The following COPA variants were observed in gnomAD, a reference collection of about 807,000 sequenced individuals.
The protein encoded by COPA is coat protein complex I subunit alpha, also known as coatomer subunit alpha.
COPA carries 10 observed loss-of-function variants against 158.7 expected under a neutral mutation model. The observed-to-expected ratio is 0.06, with a 90% CI of 0.04 to 0.11. The LOEUF (loss-of-function observed/expected upper bound fraction) is 0.11, where lower values mean the gene tolerates loss of function less well. COPA is among the 10% of genes least tolerant of loss of function. The pLI is 1.00. For synonymous variants in COPA, 462 were observed against 542.8 expected, an observed-to-expected ratio of 0.85 and a Z score of 2.07; for missense variants, 1,065 against 1,536.7, an observed-to-expected ratio of 0.69 and a Z score of 5.13.
In COPA at chr1:160,325,657, G is replaced by A; in HGVS notation, c.497-5C>T. 6.2e-7 allele frequency: 1 copy of A among 1,605,700 alleles called. No homozygotes were observed. Among genetic ancestry groups the A allele is most frequent in the Non-Finnish European group, 8.5e-7 (1 of 1,172,386 alleles). On this transcript the variant is annotated splice_polypyrimidine_tract_variant and splice_region_variant and intron_variant, in intron 6 of 32. Coordinates refer to ENST00000241704, the MANE Select transcript of COPA (RefSeq NM_004371.4). Reference sequence around the variant, plus strand: ...ACAGGTTTTTTTTCCTCAGACCTTTGAAGGGATAAGGAGTGGGATGAAAGA... The same window carrying A: ...ACAGGTTTTTTTTCCTCAGACCTTTAAAGGGATAAGGAGTGGGATGAAAGA...
At chr1:160,294,679 A>G in intron 24 of COPA, 86 bp from the exon 25 acceptor site, 1 of 1,593,634 alleles carries the variant, frequency 6.3e-7, no homozygotes, top group Non-Finnish European at 8.6e-7. Context: ...AGTTCGTTTC[A>G]TGGCCTGGAA....
At position 160,298,205 on chromosome 1, in the gene COPA, A is replaced by G. The variant is rs1156821569; in HGVS notation, c.1978-460T>C. ...TCAAAAAAAAGAAAAAAAAAAAAAG[A>G]AAATCCAGTGAACACATAGGACCCC... On this transcript the variant is annotated intron_variant, in intron 19 of 32. Transcript: ENST00000241704. 2.0e-5 allele frequency among the ~76,000 whole-genome samples: 3 copies of G among 152,106 alleles called. No individual in the cohort carries two copies. In the East Asian group the frequency reaches 5.8e-4, roughly 29 times the overall value.
At chr1:160,302,544 A>C (rs766110027) in intron 17 of COPA, among the ~76,000 whole-genome samples, 1 of 145,706 alleles carries the variant, frequency 6.9e-6, no homozygotes, top group Non-Finnish European at 1.5e-5. Context: ...GAATTTCACA[A>C]GTTACTTTTT....
At chr1:160,290,451 C>A (rs372293699) in intron 32 of COPA, 41 bp downstream of exon 32, 13 of 1,580,234 alleles carry the variant, frequency 8.2e-6, no homozygotes, top group Non-Finnish European at 9.5e-6. Context: ...TTTTCCCCTT[C>A]GCTCAATATC....
At chr1:160,315,931 A>G (rs1212537563) in intron 8 of COPA, among the ~76,000 whole-genome samples, 1 of 152,264 alleles carries the variant, frequency 6.6e-6, no homozygotes, top group Admixed American at 6.5e-5. Context: ...GATTGAAACA[A>G]TGAAAACAAA....
chr1:160,334,493 A>T (rs969447498), intron 4 of COPA, among the ~76,000 whole-genome samples: 5 of 152,152 alleles, frequency 3.3e-5, no homozygotes, highest in African/African-American at 1.2e-4. Context: ...ATCATTCTCA[A>T]ATGTTTAAGC....
chr1:160,299,196 T>C lies in COPA; in HGVS notation c.1736A>G (p.Tyr579Cys), dbSNP rs774090398. 12 of 1,614,196 alleles carry C rather than the reference T, an allele frequency of 7.4e-6. No individual in the cohort carries two copies. In the South Asian group the frequency reaches 1.3e-4, roughly 18 times the overall value. ...YVTRVKGNNV[Y>C]CLDRECRPRV... ...GGGACGACACTCCCTGTCTAGGCAG[T>C]ATACATTGTTGCCCTTCACCCGTGT... Residue 579 changes from tyrosine to cysteine, a missense_variant, in exon 18 of 33, where the codon TAC (tyrosine) becomes TGC (cysteine). Physicochemically the swap from Tyr to Cys is radical, Grantham distance 194. This residue lies in a region of COPA where 980 missense variants were observed against 1,357.8 expected (regional missense o/e 0.72). Transcript: ENST00000241704.
intron 6 of COPA, among the ~76,000 whole-genome samples, chr1:160,331,373 C>G (rs931003873): frequency 1.3e-5 from 2 of 152,118 alleles, no homozygotes; most frequent in African/African-American, 4.8e-5. Flanking sequence ...GTATTCTGGG[C>G]TAGGCACAGG....
intron 19 of COPA, among the ~76,000 whole-genome samples, chr1:160,298,187 A>G (rs1386005483): frequency 2.0e-5 from 3 of 152,080 alleles, no homozygotes; most frequent in Non-Finnish European, 4.4e-5. Context: ...GCCTCAAAAA[A>G]AAGAAAAAAA....
intron 11 of COPA, among the ~76,000 whole-genome samples, chr1:160,311,179 G>A (rs1435680504): frequency 2.0e-5 from 3 of 151,966 alleles, no homozygotes; most frequent in East Asian, 3.9e-4. Context: ...GGTGGCTCAC[G>A]CCTGCAATCC....
rs1658515221 is a variant in COPA at position 160,299,209 on chromosome 1, C to A, written c.1723G>T (p.Gly575Cys). 2 of 1,614,118 alleles carry A rather than the reference C, an allele frequency of 1.2e-6. No individual in the cohort carries two copies. ...DLPIYVTRVK[G>C]NNVYCLDREC... The stretch of plus-strand genomic sequence containing the variant: ...CTGTCTAGGCAGTATACATTGTTGC[C>A]CTTCACCCGTGTGACATAGATGGGT... Residue 575 changes from glycine (G) to cysteine (C), a missense_variant, in exon 18 of 33, where the codon GGC (glycine) becomes TGC (cysteine). Transcript: ENST00000241704.
chr1:160,332,685 T>G (rs1647586885), intron 5 of COPA, 128 bp from the exon 6 acceptor site: 7 of 543,068 alleles, frequency 1.3e-5, no homozygotes. Flanking sequence ...AGGCAGGTCA[T>G]CCTACCAATT....
At chr1:160,292,671 T>A in intron 27 of COPA, 51 bp from the exon 28 acceptor site, 1 of 1,477,094 alleles carries the variant, frequency 6.8e-7, no homozygotes, top group Non-Finnish European at 9.2e-7. Context: ...CATAAAAAGC[T>A]ACTTTTCCTT....
At chr1:160,313,039 T>C (rs1659018283) in intron 10 of COPA, 46 bp downstream of exon 10, 1 of 1,541,644 alleles carries the variant, frequency 6.5e-7, no homozygotes, top group Non-Finnish European at 8.9e-7. Context: ...TCAAGACTTA[T>C]AAACTTTGAA....
chr1:160,325,506 C>T lies in COPA; in HGVS notation c.606+37G>A, dbSNP rs201172713. ...ACATACTGTGACTTTCCCAAGATGA[C>T]AGCCCATATTCAGCCCCTGGCTATA... On this transcript the variant is annotated intron_variant, in intron 7 of 32. Transcript: ENST00000241704. 9.2e-6 allele frequency: 14 copies of T among 1,514,562 alleles called. No homozygotes were observed. The African/African-American group carries it at 1.9e-4, about 21-fold the overall frequency. The allele number at this position is 1,514,562 out of a possible 1,614,324, so 93.8% of individuals were successfully genotyped here.
Position 160,302,895 on chromosome 1 carries a change from G to A in COPA, c.1667+2538C>T, listed in dbSNP as rs546390995. ...ACTTTAAAAACTTATATGAAGGGCC[G>A]GGCATGGTGGCTAATGCCTGCAATC... On this transcript the variant is annotated intron_variant, in intron 17 of 32. Coordinates refer to ENST00000241704, the MANE Select transcript of COPA (RefSeq NM_004371.4). Among the ~76,000 whole-genome samples the A allele has an allele frequency of 1.7e-4, 26 of 152,246 alleles. No individual in the cohort carries two copies. The East Asian group carries it at 2.5e-3, about 15-fold the overall frequency.
intron 3 of COPA, 128 bp downstream of exon 3, chr1:160,339,781 C>T (rs554062636): frequency 1.1e-5 from 8 of 752,814 alleles, no homozygotes; most frequent in South Asian, 9.3e-5. Flanking sequence ...AGTAAGTTCT[C>T]CGGATAATGT....
intron 3 of COPA, among the ~76,000 whole-genome samples, chr1:160,336,069 G>C (rs890643743): frequency 6.8e-6 from 1 of 148,144 alleles, no homozygotes; most frequent in African/African-American, 2.6e-5. Context: ...TGACAGGCTG[G>C]GCACGATGGC....
chr1:160,340,052 C>G, intron 2 of COPA, 70 bp from the exon 3 acceptor site: 1 of 1,561,574 alleles, frequency 6.4e-7, no homozygotes, highest in South Asian at 1.1e-5. Flanking sequence ...GATTCCTATT[C>G]AGGATTTTTC....
Sources: gnomAD v4.1 joint callset for allele counts (sites outside exome capture counted in the v4.1 genomes callset) on GRCh38, gnomAD v4.1.1 for gene constraint, gnomAD v4.1.1 regional missense constraint, MANE v1.5 for transcripts, NCBI Gene and HGNC (gene_info 2026-07-23, HGNC 2026-07-21) for gene names.